COL6A2: variants seen among roughly 807,000 people sequenced by gnomAD.
The protein encoded by COL6A2 is collagen alpha-2(VI) chain.
In COL6A2, 90 loss-of-function variants were observed where a neutral mutation model predicts 124.9. That is an observed-to-expected ratio of 0.72 (90% CI 0.61 to 0.86). The LOEUF (loss-of-function observed/expected upper bound fraction) is 0.86. COL6A2 is among the 40% of genes least tolerant of loss of function. The probability of loss-of-function intolerance (pLI) is 0.00; values close to 1 mark genes in which losing one functional copy is unlikely to be tolerated. For synonymous variants in COL6A2, 793 were observed against 618.2 expected, an observed-to-expected ratio of 1.28 and a Z score of -4.19; for missense variants, 1,607 against 1,502.5, an observed-to-expected ratio of 1.07 and a Z score of -1.15.
rs1266614366 is a variant in COL6A2, at chr21:46,116,222, C to G, written c.901-155C>G. 6.6e-6 allele frequency among the ~76,000 whole-genome samples: 1 copy of G among 152,158 alleles called. No individual in the cohort carries two copies. The highest frequency in any genetic ancestry group is 1.5e-5 in the Non-Finnish European group (1 of 68,022). ...CCGTCCCAAAACCCAGCCTCCAGCC[C>G]GACCCAGGGCTCAGCCTCCTCCGCA... On this transcript the variant is annotated intron_variant, in intron 7 of 27. Coordinates refer to ENST00000300527, the MANE Select transcript of COL6A2 (RefSeq NM_001849.4). The surrounding 1 kb of genome is among the most constrained non-coding windows in gnomAD (Gnocchi z 4.6).
intron 1 of COL6A2, among the ~76,000 whole-genome samples, chr21:46,101,458 C>T (rs2078286313): frequency 1.3e-5 from 2 of 152,036 alleles, no homozygotes; most frequent in Non-Finnish European, 2.9e-5. Context: ...TATTGTCATA[C>T]CCAAGAAATC....
At chr21:46,118,878 A>G in intron 13 of COL6A2, 152 bp from the exon 14 acceptor site, 2 of 928,358 alleles carry the variant, frequency 2.2e-6, no homozygotes, top group Admixed American at 4.1e-5. Context: ...ACGAGGCTGA[A>G]CAAGTTCCAG....
chr21:46,125,160 C>T, intron 23 of COL6A2, 106 bp from the exon 24 acceptor site: 1 of 1,186,646 alleles, frequency 8.4e-7, no homozygotes. Flanking sequence ...GCATGGCTGC[C>T]TCCACACGTG....
Position 46,130,059 on chromosome 21 carries a change from G to T in COL6A2, c.2462-1895G>T, listed in dbSNP as rs572908077. Among the ~76,000 whole-genome samples, 14 of 152,312 alleles carry T rather than the reference G, an allele frequency of 9.2e-5. No individual in the cohort carries two copies. The South Asian group carries it at 2.9e-3, about 32-fold the overall frequency. ...TAATCCCGTGCATGGTGACTCGTGG[G>T]CGCTCACGGCCCACCTGGTGGCAGG... is the stretch of plus-strand genomic sequence containing the variant. On this transcript the variant is annotated intron_variant, in intron 27 of 27. Transcript: ENST00000300527.
At chr21:46,102,855 T>C (rs1044236436) in intron 1 of COL6A2, among the ~76,000 whole-genome samples, 1 of 152,228 alleles carries the variant, frequency 6.6e-6, no homozygotes, top group African/African-American at 2.4e-5. Context: ...GCATCAATGT[T>C]CATAAGGAAG....
At chr21:46,108,145 A>AT (rs2078356233) in intron 1 of COL6A2, among the ~76,000 whole-genome samples, 1 of 144,922 alleles carries the variant, frequency 6.9e-6, no homozygotes. Context: ...TGTTCAGATG[A>AT]TTTTCTGGGT....
chr21:46,129,697 G>C (rs927391594), intron 27 of COL6A2: 51 of 1,415,092 alleles, frequency 3.6e-5, no homozygotes, highest in Non-Finnish European at 4.5e-5. Context: ...GCATCTTCCA[G>C]TCTCTCCTCC....
chr21:46,130,027 T>G (rs1213251365), intron 27 of COL6A2, among the ~76,000 whole-genome samples: 1 of 152,126 alleles, frequency 6.6e-6, no homozygotes, highest in Non-Finnish European at 1.5e-5. Flanking sequence ...TCGCTGGGTG[T>G]GGGCACTAAT....
rs559 is a variant in COL6A2, at chr21:46,129,655, T to C, written c.2462-2299T>C. ...TGGGGCAGCTCCCAGCCTCTTCCCA[T>C]GCTGGTGGCCACCGTGTCCCTTGCT... is the stretch of plus-strand genomic sequence containing the variant. On this transcript the variant is annotated intron_variant, in intron 27 of 27. Coordinates refer to ENST00000300527, the MANE Select transcript of COL6A2 (RefSeq NM_001849.4). 0.069 allele frequency: 98,275 copies of C among 1,422,852 alleles called. 7,931 individuals are homozygous for C. The highest frequency in any genetic ancestry group is 0.4 in the East Asian group (15,828 of 39,630). 88.1% of individuals were successfully genotyped at this position (1,422,852 alleles called of 1,614,324 possible).
intron 13 of COL6A2, 91 bp downstream of exon 13, chr21:46,118,767 T>G: frequency 9.7e-6 from 14 of 1,441,672 alleles, no homozygotes; most frequent in Non-Finnish European, 1.3e-5. Context: ...CCATCTCTGC[T>G]GTCACCATGG....
chr21:46,111,292 T>G, intron 1 of COL6A2, 158 bp from the exon 2 acceptor site: 1 of 583,728 alleles, frequency 1.7e-6, no homozygotes, highest in Non-Finnish European at 3.1e-6. Flanking sequence ...CCAGTCCAGA[T>G]GCTGGTGACG....
chr21:46,121,759 A>T (rs2078570213), intron 18 of COL6A2, 141 bp downstream of exon 18: 1 of 838,166 alleles, frequency 1.2e-6, no homozygotes. Flanking sequence ...TCAGCTCTGG[A>T]GTGAGGGGAT....
chr21:46,110,520 T>C (rs1238045191), intron 1 of COL6A2, among the ~76,000 whole-genome samples: 1 of 152,178 alleles, frequency 6.6e-6, no homozygotes, highest in Non-Finnish European at 1.5e-5. Context: ...CATTCCTCCC[T>C]GGGCCCCAGG....
At chr21:46,115,799 A>G in intron 5 of COL6A2, 73 bp from the exon 6 acceptor site, 1 of 1,346,356 alleles carries the variant, frequency 7.4e-7, no homozygotes, top group Non-Finnish European at 1.1e-6. Context: ...CTCTCAGAGG[A>G]GCTGTGGCAG....
At chr21:46,113,111 G>A (rs981010728) in intron 4 of COL6A2, among the ~76,000 whole-genome samples, 10 of 152,160 alleles carry the variant, frequency 6.6e-5, no homozygotes, top group Non-Finnish European at 1.5e-4. Context: ...ATCCACCCTG[G>A]ACTCGAGGCC....
At chr21:46,118,717 C>T (rs2078514843) in intron 13 of COL6A2, 41 bp downstream of exon 13, 2 of 1,580,712 alleles carry the variant, frequency 1.3e-6, no homozygotes, top group Non-Finnish European at 1.7e-6. Flanking sequence ...GAGCTGGCCA[C>T]ACTCACGCCC....
intron 27 of COL6A2, among the ~76,000 whole-genome samples, 195 bp downstream of exon 27, chr21:46,126,736 CCAGGAACG>C (rs2078676245): frequency 6.6e-6 from 1 of 152,136 alleles, no homozygotes; most frequent in African/African-American, 2.4e-5. Flanking sequence ...AGGCAGGCTC[CCAGGAACG>C]CAGGAACAGC....
Position 46,115,938 on chromosome 21 carries a change from G to A in COL6A2, c.855+13G>A. 6.2e-7 allele frequency: 1 copy of A among 1,612,356 alleles called. No homozygotes were observed. The highest frequency in any genetic ancestry group is 8.5e-7 in the Non-Finnish European group (1 of 1,179,708). ...GAAGGGAAGACAGGTGAGTGTCCTTGCCCCACGCCCGCCCCGCCTGCAGCC... is the reference window on the plus strand; with the variant it reads ...GAAGGGAAGACAGGTGAGTGTCCTTACCCCACGCCCGCCCCGCCTGCAGCC... On this transcript the variant is annotated intron_variant, in intron 6 of 27. Coordinates refer to ENST00000300527, the MANE Select transcript of COL6A2 (RefSeq NM_001849.4).
At chr21:46,126,605 T>A in intron 27 of COL6A2, 64 bp downstream of exon 27, 1 of 1,556,438 alleles carries the variant, frequency 6.4e-7, no homozygotes, top group Non-Finnish European at 8.8e-7. Flanking sequence ...TCCTTCCTCC[T>A]CGAGGGCCGG....
Sources: gnomAD v4.1 joint callset for allele counts (sites outside exome capture counted in the v4.1 genomes callset) on GRCh38, gnomAD v4.1.1 for gene constraint, Gnocchi (gnomAD v3.1) non-coding constraint, MANE v1.5 for transcripts, NCBI Gene and HGNC (gene_info 2026-07-23, HGNC 2026-07-21) for gene names.